The following MYBPC2 variants were observed in gnomAD, a reference collection of about 807,000 sequenced individuals.
MYBPC2 encodes myosin-binding protein C, fast-type.
A neutral mutation model predicts 137.0 loss-of-function variants in MYBPC2; 122 were observed. The ratio of observed to expected loss-of-function variants is 0.89; its 90% CI spans 0.77 to 1.03. The LOEUF is 1.03. Ranked by LOEUF, MYBPC2 falls within the 50% of genes least tolerant of loss-of-function variation. The pLI, the probability that MYBPC2 is intolerant of heterozygous loss-of-function variation, is 0.00. For synonymous variants in MYBPC2, 626 were observed against 612.3 expected (o/e 1.02, Z -0.33); for missense variants, 1,500 against 1,534.4 (o/e 0.98, Z 0.37).
In MYBPC2 at chr19:50,437,642, C is replaced by T. The variant is rs1358570363; in HGVS notation, c.513-17C>T. On this transcript the variant is annotated splice_polypyrimidine_tract_variant and intron_variant, in intron 6 of 27. Coordinates refer to ENST00000357701, the MANE Select transcript of MYBPC2 (RefSeq NM_004533.4). ...ATCTGAAGGGTCAAGACTCACATGC[C>T]CTCTCAATGGCCACAGGAGTGAAAA... 1.2e-6 allele frequency: 2 copies of T among 1,600,826 alleles called. No homozygotes were observed. The highest frequency in any genetic ancestry group is 8.5e-7 in the Non-Finnish European group (1 of 1,173,708).
intron 16 of MYBPC2, among the ~76,000 whole-genome samples, chr19:50,452,508 G>GTATGTATCTATCTATCTATC (rs1433850781): frequency 1.8e-3 from 209 of 114,734 alleles, no homozygotes; most frequent in Middle Eastern, 5.0e-3. Context: ...ATGTATGTAT[G>GTATGTATCTATCTATCTATC]TATCTATCTA....
Position 50,464,552 on chromosome 19 carries a change from C to G in MYBPC2, c.3415+20C>G, listed in dbSNP as rs2039998429. On this transcript the variant is annotated intron_variant, in intron 27 of 27. Coordinates refer to ENST00000357701, the MANE Select transcript of MYBPC2 (RefSeq NM_004533.4). ...TCCGAGGTGAGGGCGTGGCCATCCC[C>G]AACACTGGCTGACCCTTGCTCGGGC... The G allele has an allele frequency of 1.3e-6, 2 of 1,585,334 alleles. No individual in the cohort carries two copies. Among genetic ancestry groups the G allele is most frequent in the South Asian group, 2.3e-5 (2 of 87,290 alleles).
Position 50,443,353 on chromosome 19 carries a change from A to G in MYBPC2, c.903-141A>G. 1.6e-5 allele frequency: 15 copies of G among 961,850 alleles called. No homozygotes were observed. In the South Asian group the frequency reaches 2.8e-4, roughly 18 times the overall value. 59.6% of individuals were successfully genotyped at this position (961,850 alleles called of 1,614,324 possible). ...TAAATAAAAATAAATAAATAATTGA[A>G]ACTGGGCCCTCAATCCCTTTCCACA... On this transcript the variant is annotated intron_variant, in intron 9 of 27. Transcript: ENST00000357701.
At position 50,458,401 on chromosome 19, in the gene MYBPC2, C is replaced by T. The variant is rs185265850; in HGVS notation, c.2339-186C>T. Among the ~76,000 whole-genome samples the T allele has an allele frequency of 6.9e-3, 1,050 of 151,464 alleles. 18 individuals carry two copies. The highest frequency in any genetic ancestry group is 5.5e-3 in the Admixed American group (84 of 15,194). ...AAAAAAAAAAAAATTAATGAGCGAA[C>T]AGAATGGCCACCCTTAGAACCTGGC... is the stretch of plus-strand genomic sequence containing the variant. On this transcript the variant is annotated intron_variant, in intron 20 of 27. Coordinates refer to ENST00000357701, the MANE Select transcript of MYBPC2 (RefSeq NM_004533.4).
Position 50,466,078 on chromosome 19 carries a change from G to A in MYBPC2, c.3416-117G>A, listed in dbSNP as rs563765342. ...CAGCCACAGTGGCCTAGGATGGGGC[G>A]GGATGGTGACCGTCATCCTGTCCCC... On this transcript the variant is annotated intron_variant, in intron 27 of 27. Transcript: ENST00000357701. The surrounding 1 kb of genome is among the most constrained non-coding windows in gnomAD (Gnocchi z 4.9). The A allele has an allele frequency of 2.4e-4, 335 of 1,419,910 alleles. 2 individuals carry two copies. The South Asian group carries it at 2.4e-3, about 10-fold the overall frequency. 88.0% of individuals were successfully genotyped at this position (1,419,910 alleles called of 1,614,324 possible). A position where few individuals can be genotyped will look rare whatever the true frequency, so the allele number is the denominator to read the frequency against.
intron 11 of MYBPC2, among the ~76,000 whole-genome samples, chr19:50,444,094 C>T (rs1184978213): frequency 6.6e-6 from 1 of 152,164 alleles, no homozygotes; most frequent in Non-Finnish European, 1.5e-5. Flanking sequence ...ATTATCTATT[C>T]CTTGGTCCAT....
chr19:50,462,542 C>CA (rs1307434879), intron 26 of MYBPC2, among the ~76,000 whole-genome samples: 1 of 151,992 alleles, frequency 6.6e-6, no homozygotes, highest in Non-Finnish European at 1.5e-5. Context: ...GCCCAAGTCT[C>CA]AGACAATCAA....
intron 4 of MYBPC2, 84 bp from the exon 5 acceptor site, chr19:50,436,533 A>G (rs1188154473): frequency 8.1e-7 from 1 of 1,239,336 alleles, no homozygotes. Flanking sequence ...GGACGTGGAG[A>G]TAGAGCTATG....
At chr19:50,455,448 C>T (rs899036623) in intron 19 of MYBPC2, 62 bp from the exon 20 acceptor site, 1 of 1,581,712 alleles carries the variant, frequency 6.3e-7, no homozygotes, top group Non-Finnish European at 8.6e-7. Context: ...TGACTCCTGC[C>T]CCTTCCTGCT....
At position 50,436,667 on chromosome 19, in the gene MYBPC2, G is replaced by T. The variant is rs749467332; in HGVS notation, c.396G>T (p.Gly132=). Residue 132 remains glycine, a synonymous_variant, in exon 5 of 28, where the codon GGG becomes GGT. Transcript: ENST00000357701. ...HIGKVVLGDR[G]YYRLEVKAKD... is the part of the protein sequence containing the mutation. The stretch of plus-strand genomic sequence containing the variant: ...GGAAGGTGGTACTGGGGGACCGTGG[G>T]TATTACCGCCTCGAGGTCAAAGCCA... 1 of 1,613,848 alleles carries T rather than the reference G, an allele frequency of 6.2e-7. No homozygotes were observed. Among genetic ancestry groups the T allele is most frequent in the African/African-American group, 1.3e-5 (1 of 74,918 alleles).
At chr19:50,439,521 CG>C (rs1292281178) in intron 7 of MYBPC2, among the ~76,000 whole-genome samples, 1 of 151,122 alleles carries the variant, frequency 6.6e-6, no homozygotes, top group African/African-American at 2.4e-5. Flanking sequence ...TGAGGCCTCC[CG>C]TCTACTAGGT....
At chr19:50,444,290 TCATC>T (rs66680495) in intron 11 of MYBPC2, among the ~76,000 whole-genome samples, 43,255 of 117,356 alleles carry the variant, frequency 0.37, 6,575 homozygotes, top group South Asian at 0.48. Flanking sequence ...GTCCATCCAT[TCATC>T]CATCCATCCA....
chr19:50,461,798 C>T lies in MYBPC2; in HGVS notation c.3091+97C>T, dbSNP rs561010000. ...GCCCTCCCCTCCCCACTGGGGTTGA[C>T]GGCACCTAGTCATGGGAGAGAGGTG... is the stretch of plus-strand genomic sequence containing the variant. On this transcript the variant is annotated intron_variant, in intron 25 of 27. Transcript: ENST00000357701. The T allele has an allele frequency of 2.7e-5, 43 of 1,584,936 alleles. No homozygotes were observed. In the East Asian group the frequency reaches 4.4e-4, roughly 16 times the overall value.
chr19:50,434,093 C>T (rs1400397046), intron 1 of MYBPC2, among the ~76,000 whole-genome samples: 5 of 151,522 alleles, frequency 3.3e-5, no homozygotes, highest in African/African-American at 4.9e-5. Context: ...TGCGGTGGCT[C>T]ATACCTGTAG....
intron 20 of MYBPC2, among the ~76,000 whole-genome samples, chr19:50,457,680 G>GTTGT (rs2039926104): frequency 1.6e-5 from 2 of 126,426 alleles, no homozygotes; most frequent in African/African-American, 6.3e-5. Context: ...CCTGGGGAAA[G>GTTGT]TTTTTTTTTT....
rs200367701 is a variant in MYBPC2, at chr19:50,435,800, C to G, written c.134C>G (p.Pro45Arg). ...PKEAPPEDQS[P>R]TAEEPTGVFL... The stretch of plus-strand genomic sequence containing the variant: ...GAAGCCCCACCCGAGGACCAGTCCC[C>G]GACTGCAGAGGAGCCCACCGGCGTT... The change falls in exon 3 of 28, where the codon CCG (proline) becomes CGG (arginine). Residue 45 changes from proline to arginine, a missense_variant. Coordinates refer to ENST00000357701, the MANE Select transcript of MYBPC2 (RefSeq NM_004533.4). This position sits in a 1 kb window ranked among gnomAD's most constrained non-coding sequence, Gnocchi z 4.8. The G allele has an allele frequency of 7.4e-6, 12 of 1,611,808 alleles. No individual in the cohort carries two copies. The Admixed American group carries it at 1.8e-4, about 25-fold the overall frequency.
Position 50,440,863 on chromosome 19 carries a change from G to GT in MYBPC2, c.573-15dup. Reference sequence around the variant, plus strand: ...CCTCACTCCCTGATGGCCCCTGTCCGTTCCCCCACCCGCCAGGGAGGTGGT... The same window carrying GT: ...CCTCACTCCCTGATGGCCCCTGTCCGTTTCCCCCACCCGCCAGGGAGGTGGT... On this transcript the variant is annotated splice_polypyrimidine_tract_variant and intron_variant, in intron 7 of 27. Transcript: ENST00000357701. 6.2e-7 allele frequency: 1 copy of GT among 1,606,394 alleles called. No individual in the cohort carries two copies. The highest frequency in any genetic ancestry group is 8.5e-7 in the Non-Finnish European group (1 of 1,175,848).
Position 50,448,290 on chromosome 19 carries a change from T to C in MYBPC2, c.1372T>C (p.Phe458Leu). ...GGTGAAGGCCTCAGAACAAGCTGTG[T>C]TCAAGTGCGAGGTGTCTGATGAGAA... is the stretch of plus-strand genomic sequence containing the variant. ...LTVKASEQAV[F>L]KCEVSDEKVT... The change falls in exon 13 of 28, where the codon TTC (phenylalanine) becomes CTC (leucine). Residue 458 changes from phenylalanine to leucine, a missense_variant. By Grantham distance (22) the Phe-to-Leu change is conservative (BLOSUM62 0). Coordinates refer to ENST00000357701, the MANE Select transcript of MYBPC2 (RefSeq NM_004533.4). The C allele has an allele frequency of 6.2e-7, 1 of 1,613,866 alleles. No homozygotes were observed. Among genetic ancestry groups the C allele is most frequent in the Non-Finnish European group, 8.5e-7 (1 of 1,179,814 alleles).
intron 20 of MYBPC2, among the ~76,000 whole-genome samples, chr19:50,457,265 G>T (rs141331416): frequency 6.0e-4 from 92 of 152,242 alleles, no homozygotes; most frequent in African/African-American, 2.0e-3. Flanking sequence ...CTGGCCGGCT[G>T]CTCCCACCCT....
Sources: gnomAD v4.1 joint callset for allele counts (sites outside exome capture counted in the v4.1 genomes callset) on GRCh38, gnomAD v4.1.1 for gene constraint, Gnocchi (gnomAD v3.1) non-coding constraint, MANE v1.5 for transcripts, NCBI Gene and HGNC (gene_info 2026-07-23, HGNC 2026-07-21) for gene names.